Variants in ZC3H12D observed in about 807,000 individuals in gnomAD.
ZC3H12D encodes the protein probable ribonuclease ZC3H12D.
ZC3H12D carries 11 observed loss-of-function variants against 24.2 expected under a neutral mutation model. The observed-to-expected ratio is 0.46, with a 90% confidence interval of 0.29 to 0.75. ZC3H12D has a LOEUF of 0.75. ZC3H12D is among the 30% of genes least tolerant of loss of function. The probability of loss-of-function intolerance (pLI) is 0.11; values close to 1 mark genes in which losing one functional copy is unlikely to be tolerated. For missense variants in ZC3H12D, 740 were observed against 767.7 expected (o/e 0.96, Z 0.43); for synonymous variants, 333 against 341.8 (o/e 0.97, Z 0.28).
In ZC3H12D at chr6:149,451,469, G is replaced by A. The variant is rs1321550435; in HGVS notation, c.798C>T (p.Cys266=). ...SWQHCPYGKK[C]TYGIKCKFYH... Reference sequence around the variant, plus strand: ...AGAACTTGCACTTGATGCCATAGGTGCATTTCTTGCCTGAAAGGGGCGGGG... The same window carrying A: ...AGAACTTGCACTTGATGCCATAGGTACATTTCTTGCCTGAAAGGGGCGGGG... Residue 266 remains cysteine, a synonymous_variant, in exon 6 of 6, where the codon TGC becomes TGT. Coordinates refer to ENST00000409806, the MANE Select transcript of ZC3H12D (RefSeq NM_207360.3). 1.3e-6 allele frequency: 2 copies of A among 1,570,366 alleles called. No individual in the cohort carries two copies. The highest frequency in any genetic ancestry group is 2.2e-5 in the South Asian group (2 of 89,248).
intron 3 of ZC3H12D, chr6:149,459,562 G>C: frequency 1.4e-6 from 1 of 717,100 alleles, no homozygotes; most frequent in Non-Finnish European, 2.6e-6. Context: ...GAGCACTTCT[G>C]GTGGTGGAGA....
In ZC3H12D at chr6:149,450,490, T is replaced by C. The variant is rs1226820940; in HGVS notation, c.*193A>G. 14 of 580,796 alleles carry C rather than the reference T, an allele frequency of 2.4e-5. No individual in the cohort carries two copies. In the South Asian group the frequency reaches 3.7e-4, roughly 15 times the overall value. The allele number at this position is 580,796 out of a possible 1,614,324, so 36.0% of individuals were successfully genotyped here. A position where few individuals can be genotyped will look rare whatever the true frequency, so the allele number is the denominator to read the frequency against. Reference sequence around the variant, plus strand: ...GACCTCCCCGCAGCAGGCCCCGGCCTCAGTGAGGATCACCAAGTGCCACCA... The same window carrying C: ...GACCTCCCCGCAGCAGGCCCCGGCCCCAGTGAGGATCACCAAGTGCCACCA... On this transcript the variant is annotated 3_prime_UTR_variant, in exon 6 of 6. Transcript: ENST00000409806.
Position 149,449,298 on chromosome 6 carries a change from T to C in ZC3H12D, c.*1385A>G, listed in dbSNP as rs1775837527. 6.6e-6 allele frequency: 1 copy of C among 152,214 alleles called. No homozygotes were observed. The highest frequency in any genetic ancestry group is 2.4e-5 in the African/African-American group (1 of 41,444). The allele number at this position is 152,214 out of a possible 1,614,324, so 9.4% of individuals were successfully genotyped here. A position where few individuals can be genotyped will look rare whatever the true frequency, so the allele number is the denominator to read the frequency against. ...CTGACTCATCCAGCCCCAGTGTAACTGTGAAGTGCGGCTGTCATGTTTACA... is the reference window on the plus strand; with the variant it reads ...CTGACTCATCCAGCCCCAGTGTAACCGTGAAGTGCGGCTGTCATGTTTACA... On this transcript the variant is annotated 3_prime_UTR_variant, in exon 6 of 6. Transcript: ENST00000409806.
At chr6:149,471,016 G>C (rs1041564015) in intron 2 of ZC3H12D, among the ~76,000 whole-genome samples, 1 of 152,214 alleles carries the variant, frequency 6.6e-6, no homozygotes, top group Non-Finnish European at 1.5e-5. Flanking sequence ...GCAGCCATAG[G>C]TCTGTTTACC....
chr6:149,475,732 C>A (rs1170114087), intron 1 of ZC3H12D, among the ~76,000 whole-genome samples: 1 of 146,896 alleles, frequency 6.8e-6, no homozygotes, highest in Non-Finnish European at 1.5e-5. Flanking sequence ...AAAAAAGGGG[C>A]CTGCCCCAAA....
Position 149,474,413 on chromosome 6 carries a change from C to T in ZC3H12D, c.131G>A (p.Gly44Asp), listed in dbSNP as rs768564249. The T allele has an allele frequency of 6.2e-7, 1 of 1,608,276 alleles. No homozygotes were observed. Among genetic ancestry groups the T allele is most frequent in the East Asian group, 2.2e-5 (1 of 44,698 alleles). ...GTGCTCCAGGGCACCCGGGCGGCTG[C>T]CCGTGCGGATAAGCTCCTGCAGCAC... ...NDVLQELIRT[G>D]SRPGALEHPA... is the part of the protein sequence containing the mutation. The change falls in exon 2 of 6, where the codon GGC becomes GAC. Residue 44 changes from glycine to aspartate, a missense_variant. Transcript: ENST00000409806.
chr6:149,451,564 C>G, intron 5 of ZC3H12D, 85 bp from the exon 6 acceptor site: 3 of 1,192,038 alleles, frequency 2.5e-6, no homozygotes, highest in East Asian at 3.2e-5. Context: ...CGGGGAGTGC[C>G]GGCCCGCGGC....
Position 149,459,386 on chromosome 6 carries a change from T to C in ZC3H12D, c.445+2445A>G, listed in dbSNP as rs1020094409. ...AAAGGTGGGGGGAGATCTATAATCATGTTAAAAGTAGGTTTGGGGACAGCA... is the reference window on the plus strand; with the variant it reads ...AAAGGTGGGGGGAGATCTATAATCACGTTAAAAGTAGGTTTGGGGACAGCA... On this transcript the variant is annotated intron_variant, in intron 3 of 5. Transcript: ENST00000409806. 4 of 558,948 alleles carry C rather than the reference T, an allele frequency of 7.2e-6. No homozygotes were observed. In the African/African-American group the frequency reaches 7.6e-5, roughly 11 times the overall value. 34.6% of individuals were successfully genotyped at this position (558,948 alleles called of 1,614,324 possible).
Position 149,474,405 on chromosome 6 carries a change from GGCGGCTGCCCGT to G in ZC3H12D, c.127_138del (p.Thr43_Arg46del). ...GCAGCCGGGTGCTCCAGGGCACCCGGGCGGCTGCCCGTGCGGATAAGCTCCTGCAGCACGTCG... is the reference window on the plus strand; with the variant it reads ...GCAGCCGGGTGCTCCAGGGCACCCGGGCGGATAAGCTCCTGCAGCACGTCG... On this transcript the variant is annotated inframe_deletion, in exon 2 of 6. Coordinates refer to ENST00000409806, the MANE Select transcript of ZC3H12D (RefSeq NM_207360.3). The G allele has an allele frequency of 6.2e-7, 1 of 1,608,558 alleles. No individual in the cohort carries two copies. Among genetic ancestry groups the G allele is most frequent in the Non-Finnish European group, 8.5e-7 (1 of 1,175,898 alleles).
chr6:149,479,648 G>A (rs982718079), intron 1 of ZC3H12D, among the ~76,000 whole-genome samples: 1 of 152,106 alleles, frequency 6.6e-6, no homozygotes, highest in Non-Finnish European at 1.5e-5. Context: ...CTGACCTATT[G>A]CCTCAGAATC....
chr6:149,451,141 GC>G lies in ZC3H12D; in HGVS notation c.1125del (p.Asp377ThrfsTer121). ...PACSLTPRLG[G>X]PDWVSAGGRV... ...CGGCCGCCCGCGGACACCCAGTCGGGCCCGCCCAGTCGGGGCGTGAGGCTGC... is the reference window on the plus strand; with the variant it reads ...CGGCCGCCCGCGGACACCCAGTCGGGCCGCCCAGTCGGGGCGTGAGGCTGC... On this transcript the variant is annotated frameshift_variant, in exon 6 of 6. Coordinates refer to ENST00000409806, the MANE Select transcript of ZC3H12D (RefSeq NM_207360.3). LOFTEE classifies it low-confidence loss of function (END_TRUNC). 1.5e-6 allele frequency: 2 copies of G among 1,340,558 alleles called. No individual in the cohort carries two copies. Among genetic ancestry groups the G allele is most frequent in the South Asian group, 2.0e-5 (1 of 51,058 alleles). The allele number at this position is 1,340,558 out of a possible 1,614,324, so 83.0% of individuals were successfully genotyped here.
intron 2 of ZC3H12D, among the ~76,000 whole-genome samples, chr6:149,469,948 G>C (rs75821656): frequency 0.016 from 2,481 of 152,220 alleles, 66 homozygotes; most frequent in African/African-American, 0.057. Flanking sequence ...GTAATGTCTG[G>C]GGGGAACATG....
chr6:149,461,843 T>C lies in ZC3H12D; in HGVS notation c.433A>G (p.Thr145Ala), dbSNP rs1776078212. ...TGCTCCAGCATACCTCTGATAGGGG[T>C]GTCAGCTCTTGGTGGGTCCTTCCTC... The part of the protein sequence containing the change: ...SWRKDPPRAD[T>A]PIREQHVLAE... The change falls in exon 3 of 6, where the codon ACC becomes GCC. Residue 145 changes from threonine (T) to alanine (A), a missense_variant. Physicochemically the swap from Thr to Ala is moderately conservative, Grantham distance 58. Transcript: ENST00000409806. The C allele has an allele frequency of 1.9e-6, 3 of 1,561,748 alleles. No homozygotes were observed. Among genetic ancestry groups the C allele is most frequent in the African/African-American group, 1.4e-5 (1 of 73,692 alleles).
chr6:149,469,921 G>A (rs1480783007), intron 2 of ZC3H12D, among the ~76,000 whole-genome samples: 4 of 152,160 alleles, frequency 2.6e-5, no homozygotes, highest in African/African-American at 9.7e-5. Context: ...CTAGGCCGGG[G>A]GAGAGCAGAA....
At chr6:149,483,599 C>T (rs528041598) in intron 1 of ZC3H12D, among the ~76,000 whole-genome samples, 8 of 152,282 alleles carry the variant, frequency 5.3e-5, no homozygotes, top group Admixed American at 2.0e-4. Flanking sequence ...CTTTTGTCAC[C>T]GGCTTATTTT....
intron 1 of ZC3H12D, among the ~76,000 whole-genome samples, chr6:149,481,208 T>C (rs1776421094): frequency 6.7e-6 from 1 of 149,200 alleles, no homozygotes; most frequent in Non-Finnish European, 1.5e-5. Flanking sequence ...CCTCCATCCC[T>C]CCCCACGCAG....
At chr6:149,480,461 G>C (rs1306277847) in intron 1 of ZC3H12D, among the ~76,000 whole-genome samples, 1 of 152,224 alleles carries the variant, frequency 6.6e-6, no homozygotes, top group Non-Finnish European at 1.5e-5. Context: ...ACACAAAGAA[G>C]AGAACAATAG....
rs201565217 is a variant in ZC3H12D, at chr6:149,474,621, G to GA, written c.-70-9dup. 2.5e-5 allele frequency: 32 copies of GA among 1,286,586 alleles called. No individual in the cohort carries two copies. Among genetic ancestry groups the GA allele is most frequent in the Admixed American group, 3.1e-5 (1 of 31,940 alleles). 79.7% of individuals were successfully genotyped at this position (1,286,586 alleles called of 1,614,324 possible). A position where few individuals can be genotyped will look rare whatever the true frequency, so the allele number is the denominator to read the frequency against. Reference sequence around the variant, plus strand: ...GAGCCCTGCAGACATGAGCTAAAGAGAAAAAAAATGCATCCATCAGGTGTT... The same window carrying GA: ...GAGCCCTGCAGACATGAGCTAAAGAGAAAAAAAAATGCATCCATCAGGTGTT... On this transcript the variant is annotated splice_polypyrimidine_tract_variant and intron_variant, in intron 1 of 5. Coordinates refer to ENST00000409806, the MANE Select transcript of ZC3H12D (RefSeq NM_207360.3).
At position 149,456,933 on chromosome 6, in the gene ZC3H12D, G is replaced by T. The variant is rs1179925687; in HGVS notation, c.446-33C>A. ...CGGGGCGACGGAGACGCGGGTGAGG[G>T]CCCAAGGGCACCGCCCCTGAGAACC... On this transcript the variant is annotated intron_variant, in intron 3 of 5. Coordinates refer to ENST00000409806, the MANE Select transcript of ZC3H12D (RefSeq NM_207360.3). This position sits in a 1 kb window ranked among gnomAD's most constrained non-coding sequence, Gnocchi z 4.3. The T allele has an allele frequency of 6.3e-7, 1 of 1,576,760 alleles. No individual in the cohort carries two copies. Among genetic ancestry groups the T allele is most frequent in the Non-Finnish European group, 8.6e-7 (1 of 1,162,776 alleles).
Sources: gnomAD v4.1 joint callset for allele counts (sites outside exome capture counted in the v4.1 genomes callset) on GRCh38, gnomAD v4.1.1 for gene constraint, Gnocchi (gnomAD v3.1) non-coding constraint, MANE v1.5 for transcripts, NCBI Gene and HGNC (gene_info 2026-07-23, HGNC 2026-07-21) for gene names.